Variants in TRPM3 observed in about 807,000 individuals in gnomAD.
TRPM3 encodes the protein long transient receptor potential channel 3.
Under a neutral mutation model 181.2 loss-of-function variants are expected in TRPM3, and 77 were observed. The ratio of observed to expected loss-of-function variants is 0.42; its 90% CI spans 0.35 to 0.51. The LOEUF is 0.51. TRPM3 is among the 20% of genes least tolerant of loss of function. TRPM3 has a pLI of 0.01. For synonymous variants in TRPM3, 745 were observed against 796.4 expected, an observed-to-expected ratio of 0.94 and a Z score of 1.09; for missense variants, 1,759 against 2,196.7, an observed-to-expected ratio of 0.80 and a Z score of 3.98.
At chr9:71,328,863 T>C (rs769974194) in intron 1 of TRPM3, among the ~76,000 whole-genome samples, 6 of 152,344 alleles carry the variant, frequency 3.9e-5, no homozygotes, top group Admixed American at 6.5e-5. Context: ...TTCAATGCTG[T>C]CACAGAAAGC....
intron 18 of TRPM3, among the ~76,000 whole-genome samples, 155 bp from the exon 19 acceptor site, chr9:70,610,904 G>A (rs1654504066): frequency 6.6e-6 from 1 of 152,220 alleles, no homozygotes. Flanking sequence ...GAGTGCATTT[G>A]CACTACACGT....
At chr9:70,925,224 C>T (rs753195871) in intron 1 of TRPM3, among the ~76,000 whole-genome samples, 1 of 152,146 alleles carries the variant, frequency 6.6e-6, no homozygotes, top group African/African-American at 2.4e-5. Flanking sequence ...GGGCGTTCAA[C>T]GAAGTCTACT....
chr9:70,932,765 C>G (rs2096787898), intron 1 of TRPM3, among the ~76,000 whole-genome samples: 1 of 152,152 alleles, frequency 6.6e-6, no homozygotes, highest in Admixed American at 6.6e-5. Flanking sequence ...TCTCAGATCT[C>G]TATTCTAATG....
intron 1 of TRPM3, among the ~76,000 whole-genome samples, chr9:71,433,077 C>T (rs1249263692): frequency 6.6e-6 from 1 of 152,182 alleles, no homozygotes; most frequent in African/African-American, 2.4e-5. Context: ...GTCTTCATTT[C>T]TATGCTGTGC....
intron 1 of TRPM3, among the ~76,000 whole-genome samples, chr9:71,078,400 A>G (rs1365277294): frequency 1.3e-5 from 2 of 152,174 alleles, no homozygotes; most frequent in African/African-American, 4.8e-5. Context: ...AAGTTTCTAG[A>G]AAGACATGAA....
chr9:70,653,242 G>A (rs1274923976), intron 9 of TRPM3, among the ~76,000 whole-genome samples: 1 of 152,110 alleles, frequency 6.6e-6, no homozygotes, highest in Non-Finnish European at 1.5e-5. Context: ...AAGGGAGCTT[G>A]GCTGAGGCTG....
intron 6 of TRPM3, among the ~76,000 whole-genome samples, chr9:70,803,453 T>TG (rs1039583706): frequency 2.6e-4 from 19 of 73,566 alleles, no homozygotes; most frequent in Middle Eastern, 0.017. Flanking sequence ...TTTTTGTTGT[T>TG]TTTTTTTTTT....
chr9:71,419,220 T>C (rs1208432385), intron 1 of TRPM3, among the ~76,000 whole-genome samples: 4 of 151,862 alleles, frequency 2.6e-5, no homozygotes, highest in Non-Finnish European at 5.9e-5. Flanking sequence ...TAGGATTTAA[T>C]GCAGTACAGT....
chr9:71,379,924 G>A (rs547196582), intron 1 of TRPM3, among the ~76,000 whole-genome samples: 14 of 152,062 alleles, frequency 9.2e-5, no homozygotes, highest in South Asian at 2.1e-4. Flanking sequence ...AACTTTCTTC[G>A]TGTATGCCAG....
At chr9:70,787,357 C>T (rs984024753) in intron 6 of TRPM3, among the ~76,000 whole-genome samples, 2 of 152,112 alleles carry the variant, frequency 1.3e-5, no homozygotes, top group African/African-American at 4.8e-5. Context: ...TCCAAATTCT[C>T]TCTTATTTTT....
intron 1 of TRPM3, among the ~76,000 whole-genome samples, chr9:71,079,173 G>C (rs2063864808): frequency 6.6e-6 from 1 of 152,188 alleles, no homozygotes; most frequent in South Asian, 2.1e-4. Context: ...GAGAGAGAAT[G>C]TTTGACTATA....
chr9:70,858,152 G>C (rs2095433941), intron 3 of TRPM3, among the ~76,000 whole-genome samples: 2 of 152,258 alleles, frequency 1.3e-5, no homozygotes, highest in African/African-American at 4.8e-5. Flanking sequence ...GGCTTCAAAA[G>C]TTAATAAAAA....
chr9:71,281,319 A>G (rs2084689144), intron 1 of TRPM3, among the ~76,000 whole-genome samples: 1 of 152,220 alleles, frequency 6.6e-6, no homozygotes, highest in Admixed American at 6.5e-5. Flanking sequence ...ATGACCATTA[A>G]GAACAGTTCA....
intron 8 of TRPM3, among the ~76,000 whole-genome samples, chr9:70,698,910 C>T (rs1226581739): frequency 6.6e-6 from 1 of 152,192 alleles, no homozygotes; most frequent in Non-Finnish European, 1.5e-5. Context: ...TGCTGATATG[C>T]TTCCTGTACA....
Position 70,828,004 on chromosome 9 carries a change from G to C in TRPM3, c.816C>G (p.Tyr272Ter), listed in dbSNP as rs765605289. The change falls in exon 6 of 26, where the codon TAC becomes TAG. Residue 272 changes from tyrosine (Y) to a stop codon, truncating the protein, a stop_gained. Transcript: ENST00000677713. LOFTEE classifies it high-confidence loss of function. Reference protein sequence around the residue: ...DLIGRDVVRPYQTMSNPMSKL... With the variant: ...DLIGRDVVRP ...TGCTCATGGGATTGGACATGGTCTG[G>C]TATGGCCGGACAACCTGCAGGGTAT... The C allele has an allele frequency of 6.2e-7, 1 of 1,613,032 alleles. No homozygotes were observed.
At chr9:71,098,765 G>C (rs1487247696) in intron 1 of TRPM3, among the ~76,000 whole-genome samples, 1 of 152,108 alleles carries the variant, frequency 6.6e-6, no homozygotes, top group Non-Finnish European at 1.5e-5. Flanking sequence ...AAAACTGGAA[G>C]ATTACTCCTC....
intron 3 of TRPM3, among the ~76,000 whole-genome samples, chr9:70,852,074 A>ACGCCACTG (rs2095249473): frequency 7.2e-6 from 1 of 138,158 alleles, no homozygotes; most frequent in Non-Finnish European, 1.5e-5. Context: ...AGCTGAGATC[A>ACGCCACTG]CGCCACTGCA....
At chr9:71,202,089 G>T (rs7023467) in intron 1 of TRPM3, among the ~76,000 whole-genome samples, 65,195 of 151,890 alleles carry the variant, frequency 0.43, 14,377 homozygotes, top group East Asian at 0.52. Context: ...TTTGCTAGAG[G>T]TCCACTCCAG....
chr9:70,947,426 T>C (rs1321483661), intron 1 of TRPM3, among the ~76,000 whole-genome samples: 1 of 152,222 alleles, frequency 6.6e-6, no homozygotes, highest in Non-Finnish European at 1.5e-5. Context: ...TCCAGAGAAA[T>C]ATAAGTACTA....
Sources: allele counts gnomAD v4.1 joint callset (sites outside exome capture counted in the v4.1 genomes callset), GRCh38; gene constraint gnomAD v4.1.1; transcripts MANE v1.5; gene names NCBI Gene and HGNC (gene_info 2026-07-23, HGNC 2026-07-21).